Variants in USP45 observed in about 807,000 individuals in gnomAD.
The protein encoded by USP45 is ubiquitin specific peptidase 45, also known as ubiquitin carboxyl-terminal hydrolase 45.
USP45 carries 89 observed loss-of-function variants against 95.8 expected under a neutral mutation model. The observed-to-expected ratio is 0.93, with a 90% CI of 0.78 to 1.11. The LOEUF is 1.11. Ranked by LOEUF, USP45 falls within the 50% of genes least tolerant of loss-of-function variation. The pLI is 0.00. For missense variants in USP45, 898 were observed against 942.5 expected (o/e 0.95, Z 0.62); for synonymous variants, 281 against 316.2 (o/e 0.89, Z 1.18).
intron 5 of USP45, among the ~76,000 whole-genome samples, chr6:99,500,864 C>T (rs570844946): frequency 6.6e-6 from 1 of 152,282 alleles, no homozygotes; most frequent in East Asian, 1.9e-4. Flanking sequence ...TGTCCAGGAG[C>T]CTGAGTTTAC....
rs141089939 is a variant in USP45 at position 99,503,856 on chromosome 6, T to A, written c.387A>T (p.Glu129Asp). 10 of 1,578,266 alleles carry A rather than the reference T, an allele frequency of 6.3e-6. No homozygotes were observed. Among genetic ancestry groups the A allele is most frequent in the African/African-American group, 1.4e-5 (1 of 73,700 alleles). ...NLSTWIIWCY[E>D]CDEKLSTHCN... ...AATGCGTTGATAATTTTTCATCACA[T>A]TCATAACACCTGAAAAAGTATAAAA... The change falls in exon 5 of 18, where the codon GAA (glutamate) becomes GAT (aspartate). Residue 129 changes from glutamate (E) to aspartate (D), a missense_variant. Physicochemically the swap from Glu to Asp is conservative, Grantham distance 45. Transcript: ENST00000500704.
At chr6:99,482,647 G>C (rs1004752457) in intron 8 of USP45, 106 bp downstream of exon 8, 33 of 1,137,426 alleles carry the variant, frequency 2.9e-5, no homozygotes, top group Non-Finnish European at 3.9e-5. Context: ...TCATAGTCAG[G>C]GCAATAAGAG....
At chr6:99,438,228 T>C (rs1780873923) in intron 16 of USP45, among the ~76,000 whole-genome samples, 1 of 152,118 alleles carries the variant, frequency 6.6e-6, no homozygotes. Flanking sequence ...TAAATGGTGC[T>C]ATGGAATAAG....
At chr6:99,439,985 CTAAAAT>C in intron 15 of USP45, 130 bp from the exon 16 acceptor site, 1 of 504,990 alleles carries the variant, frequency 2.0e-6, no homozygotes, top group Non-Finnish European at 3.4e-6. Context: ...AATGTATAGT[CTAAAAT>C]TAATATGAAT....
chr6:99,481,174 TC>T (rs749093144), intron 8 of USP45, among the ~76,000 whole-genome samples: 1 of 152,184 alleles, frequency 6.6e-6, no homozygotes, highest in Non-Finnish European at 1.5e-5. Flanking sequence ...CAGATGTACT[TC>T]CGCAAGTACA....
chr6:99,499,255 T>G (rs564591587), intron 5 of USP45, among the ~76,000 whole-genome samples: 1 of 152,350 alleles, frequency 6.6e-6, no homozygotes, highest in South Asian at 2.1e-4. Flanking sequence ...AAAAATAACC[T>G]TTTAAAATCA....
chr6:99,477,009 T>C (rs1583235420), intron 8 of USP45, among the ~76,000 whole-genome samples: 1 of 152,174 alleles, frequency 6.6e-6, no homozygotes, highest in African/African-American at 2.4e-5. Flanking sequence ...AAAATGAACA[T>C]TTTGCCTTAA....
intron 13 of USP45, among the ~76,000 whole-genome samples, chr6:99,450,734 AAG>A (rs912694123): frequency 1.3e-5 from 2 of 152,226 alleles, no homozygotes; most frequent in African/African-American, 4.8e-5. Context: ...ACAACAAAAA[AAG>A]AGAATTTTAG....
intron 9 of USP45, among the ~76,000 whole-genome samples, chr6:99,471,254 G>A (rs1789321724): frequency 1.3e-5 from 2 of 152,294 alleles, no homozygotes; most frequent in Non-Finnish European, 2.9e-5. Flanking sequence ...TCATTGTTAA[G>A]AGTTGTGCTT....
intron 8 of USP45, among the ~76,000 whole-genome samples, chr6:99,480,577 T>C (rs1394577721): frequency 1.3e-5 from 2 of 151,874 alleles, no homozygotes; most frequent in Non-Finnish European, 2.9e-5. Flanking sequence ...GGCAGGAGAA[T>C]TGCTTGAACC....
chr6:99,507,852 C>T (rs888195291), intron 3 of USP45, among the ~76,000 whole-genome samples: 7 of 152,286 alleles, frequency 4.6e-5, no homozygotes, highest in South Asian at 2.1e-4. Context: ...TTCCCAATCC[C>T]GTACACAACT....
intron 17 of USP45, 104 bp from the exon 18 acceptor site, chr6:99,435,950 A>G: frequency 8.4e-7 from 1 of 1,197,456 alleles, no homozygotes; most frequent in East Asian, 2.7e-5. Flanking sequence ...TCTAATGCCA[A>G]ATTTTACCTG....
chr6:99,460,094 T>G (rs977420601), intron 13 of USP45, among the ~76,000 whole-genome samples: 9 of 152,238 alleles, frequency 5.9e-5, no homozygotes, highest in African/African-American at 2.2e-4. Context: ...TCATTTGTAT[T>G]CACATTACCA....
intron 9 of USP45, among the ~76,000 whole-genome samples, chr6:99,470,920 T>G (rs1290864718): frequency 6.6e-6 from 1 of 152,152 alleles, no homozygotes; most frequent in Admixed American, 6.5e-5. Flanking sequence ...ATCCTACAAT[T>G]TAAACATTTT....
At chr6:99,482,046 TA>T (rs1396860094) in intron 8 of USP45, among the ~76,000 whole-genome samples, 4 of 152,220 alleles carry the variant, frequency 2.6e-5, no homozygotes, top group African/African-American at 4.8e-5. Flanking sequence ...AATGAGATTT[TA>T]AAGTCTATAG....
chr6:99,495,816 A>T (rs1796169907), intron 5 of USP45, among the ~76,000 whole-genome samples: 1 of 152,142 alleles, frequency 6.6e-6, no homozygotes, highest in Non-Finnish European at 1.5e-5. Flanking sequence ...TTCTCAAATG[A>T]TTCCTTAAAA....
chr6:99,483,586 C>A (rs1209772820), intron 7 of USP45, among the ~76,000 whole-genome samples: 1 of 152,070 alleles, frequency 6.6e-6, no homozygotes, highest in Non-Finnish European at 1.5e-5. Context: ...CGCCTGTAAT[C>A]CCAGCACTTT....
At chr6:99,509,454 T>C (rs1156342455) in intron 2 of USP45, among the ~76,000 whole-genome samples, 4 of 151,954 alleles carry the variant, frequency 2.6e-5, no homozygotes, top group African/African-American at 9.7e-5. Context: ...ATACCTAAAA[T>C]GGAAAAAATA....
intron 5 of USP45, among the ~76,000 whole-genome samples, chr6:99,493,052 G>A (rs1030089134): frequency 2.7e-5 from 4 of 150,804 alleles, no homozygotes; most frequent in African/African-American, 4.9e-5. Flanking sequence ...TCTTTGAGAC[G>A]GAGTCTCATT....
Sources: gnomAD v4.1 joint callset for allele counts (sites outside exome capture counted in the v4.1 genomes callset) on GRCh38, gnomAD v4.1.1 for gene constraint, MANE v1.5 for transcripts, NCBI Gene and HGNC (gene_info 2026-07-23, HGNC 2026-07-21) for gene names.